FAM3C: variants seen among roughly 807,000 people sequenced by gnomAD.
FAM3C encodes the protein protein FAM3C.
A neutral mutation model predicts 32.5 loss-of-function variants in FAM3C; 15 were observed. The ratio of observed to expected loss-of-function variants is 0.46; its 90% CI spans 0.31 to 0.71. The LOEUF (loss-of-function observed/expected upper bound fraction) is 0.71, where lower values mean the gene tolerates loss of function less well. FAM3C is among the 30% of genes least tolerant of loss of function. FAM3C has a pLI of 0.05. For synonymous variants in FAM3C, 75 were observed against 86.1 expected, an observed-to-expected ratio of 0.87 and a Z score of 0.72; for missense variants, 175 against 274.4, an observed-to-expected ratio of 0.64 and a Z score of 2.56.
At chr7:121,372,654 C>G (rs1562888717) in intron 3 of FAM3C, among the ~76,000 whole-genome samples, 2 of 152,108 alleles carry the variant, frequency 1.3e-5, no homozygotes, top group Non-Finnish European at 2.9e-5. Context: ...TTCAAGGAAT[C>G]CATGAGGTCA....
At position 121,351,139 on chromosome 7, in the gene FAM3C, T is replaced by C. The variant is rs1392541263; in HGVS notation, c.594+4A>G. On this transcript the variant is annotated splice_donor_region_variant and intron_variant, in intron 9 of 9. Coordinates refer to ENST00000359943, the MANE Select transcript of FAM3C (RefSeq NM_014888.3). ...TGTTAATTCTGAGAGTCTATGACAC[T>C]AACCTGTTCAAAAGGGCTTTTTGTC... The C allele has an allele frequency of 1.2e-6, 2 of 1,612,642 alleles. No individual in the cohort carries two copies. The highest frequency in any genetic ancestry group is 1.7e-6 in the Non-Finnish European group (2 of 1,179,444).
At chr7:121,363,217 C>A (rs1324468029) in intron 6 of FAM3C, among the ~76,000 whole-genome samples, 1 of 152,156 alleles carries the variant, frequency 6.6e-6, no homozygotes, top group African/African-American at 2.4e-5. Flanking sequence ...AAGTTCATTA[C>A]TGACTGTAGA....
Position 121,362,885 on chromosome 7 carries a change from A to C in FAM3C, c.382+12T>G. The C allele has an allele frequency of 6.8e-7, 1 of 1,480,474 alleles. No individual in the cohort carries two copies. The highest frequency in any genetic ancestry group is 1.2e-5 in the South Asian group (1 of 86,788). 91.7% of individuals were successfully genotyped at this position (1,480,474 alleles called of 1,614,324 possible). A position where few individuals can be genotyped will look rare whatever the true frequency, so the allele number is the denominator to read the frequency against. ...GCCAGCAAAAGAACACAGTCATGTT[A>C]TTTATGCTTACCTCCTCCCCACATG... On this transcript the variant is annotated intron_variant, in intron 7 of 9. Coordinates refer to ENST00000359943, the MANE Select transcript of FAM3C (RefSeq NM_014888.3).
chr7:121,349,193 G>T lies in FAM3C; in HGVS notation c.*1268C>A, dbSNP rs535087721. 1 of 152,460 alleles carries T rather than the reference G, an allele frequency of 6.6e-6. No homozygotes were observed. Among genetic ancestry groups the T allele is most frequent in the Non-Finnish European group, 1.5e-5 (1 of 67,958 alleles). 9.4% of individuals were successfully genotyped at this position (152,460 alleles called of 1,614,324 possible). A position where few individuals can be genotyped will look rare whatever the true frequency, so the allele number is the denominator to read the frequency against. On this transcript the variant is annotated 3_prime_UTR_variant, in exon 10 of 10. Coordinates refer to ENST00000359943, the MANE Select transcript of FAM3C (RefSeq NM_014888.3). ...GCTAAATAACAGATACTGCTTTTAG[G>T]TTTTTTTATACAATGCATCTAAACT...
chr7:121,391,444 C>T (rs1794576306), intron 1 of FAM3C, among the ~76,000 whole-genome samples: 1 of 152,132 alleles, frequency 6.6e-6, no homozygotes, highest in Admixed American at 6.5e-5. Flanking sequence ...AATGAAGTGT[C>T]CCACTCATAA....
At chr7:121,374,912 A>C (rs2116927153) in intron 3 of FAM3C, among the ~76,000 whole-genome samples, 1 of 152,328 alleles carries the variant, frequency 6.6e-6, no homozygotes, top group South Asian at 2.1e-4. Flanking sequence ...CTTTATGTGA[A>C]TCCCACTTTG....
intron 5 of FAM3C, among the ~76,000 whole-genome samples, chr7:121,367,881 G>A (rs1329181622): frequency 2.6e-5 from 4 of 151,886 alleles, no homozygotes; most frequent in Admixed American, 1.3e-4. Flanking sequence ...TGGGAAGATC[G>A]CTTGAGTCCA....
chr7:121,391,823 C>T (rs1237346762), intron 1 of FAM3C, among the ~76,000 whole-genome samples: 1 of 152,144 alleles, frequency 6.6e-6, no homozygotes, highest in Non-Finnish European at 1.5e-5. Context: ...CTGAAGAATC[C>T]CCGAGCAGAC....
At chr7:121,360,394 T>C (rs1793895994) in intron 7 of FAM3C, among the ~76,000 whole-genome samples, 1 of 152,150 alleles carries the variant, frequency 6.6e-6, no homozygotes, top group Non-Finnish European at 1.5e-5. Context: ...GTGAAAAAAA[T>C]CATAGCAAAG....
Position 121,349,484 on chromosome 7 carries a change from T to C in FAM3C, c.*977A>G, listed in dbSNP as rs557151399. ...TCAGTCCGCCCAGTAATAAGAACTTTTGTAAATATGCCACTATAGCTTCGG... is the reference window on the plus strand; with the variant it reads ...TCAGTCCGCCCAGTAATAAGAACTTCTGTAAATATGCCACTATAGCTTCGG... On this transcript the variant is annotated 3_prime_UTR_variant, in exon 10 of 10. Coordinates refer to ENST00000359943, the MANE Select transcript of FAM3C (RefSeq NM_014888.3). The C allele has an allele frequency of 1.3e-5, 2 of 152,304 alleles. No individual in the cohort carries two copies. Among genetic ancestry groups the C allele is most frequent in the South Asian group, 2.1e-4 (1 of 4,818 alleles). The allele number at this position is 152,304 out of a possible 1,614,324, so 9.4% of individuals were successfully genotyped here.
intron 8 of FAM3C, among the ~76,000 whole-genome samples, chr7:121,352,517 G>A (rs190547515): frequency 3.3e-5 from 5 of 152,196 alleles, no homozygotes; most frequent in East Asian, 3.9e-4. Flanking sequence ...TTTCAGATTC[G>A]CCTCCTATAT....
chr7:121,350,370 T>C lies in FAM3C; in HGVS notation c.*91A>G, dbSNP rs1164829432. On this transcript the variant is annotated 3_prime_UTR_variant, in exon 10 of 10. Coordinates refer to ENST00000359943, the MANE Select transcript of FAM3C (RefSeq NM_014888.3). ...TCATGCACACACCAAGATGGCTGCA[T>C]GCTCTTAAAATATTTACACATAGCT... 6.4e-7 allele frequency: 1 copy of C among 1,562,938 alleles called. No individual in the cohort carries two copies. The highest frequency in any genetic ancestry group is 8.8e-7 in the Non-Finnish European group (1 of 1,139,532).
chr7:121,374,149 T>G (rs187178138), intron 3 of FAM3C, among the ~76,000 whole-genome samples: 63 of 152,330 alleles, frequency 4.1e-4, no homozygotes. Flanking sequence ...GATTGGTGAA[T>G]TGTATCCATG....
chr7:121,386,469 T>C (rs563883687), intron 1 of FAM3C, among the ~76,000 whole-genome samples: 108 of 152,122 alleles, frequency 7.1e-4, no homozygotes, highest in African/African-American at 2.4e-3. Flanking sequence ...TACCATTCAT[T>C]CTCCTGGACT....
At chr7:121,351,651 C>T (rs1375883779) in intron 8 of FAM3C, 1 of 160,838 alleles carries the variant, frequency 6.2e-6, no homozygotes, top group Non-Finnish European at 1.4e-5. Flanking sequence ...TTTTGAATCT[C>T]CACTAAACCC....
chr7:121,359,271 A>T (rs899608059), intron 8 of FAM3C, among the ~76,000 whole-genome samples: 4 of 152,022 alleles, frequency 2.6e-5, no homozygotes, highest in African/African-American at 7.2e-5. Context: ...TAAGTATGCA[A>T]ATTGGAACTA....
intron 3 of FAM3C, among the ~76,000 whole-genome samples, chr7:121,378,584 C>G (rs1416311312): frequency 6.6e-6 from 1 of 151,952 alleles, no homozygotes; most frequent in Admixed American, 6.6e-5. Flanking sequence ...TTTCTAGCAG[C>G]CAACTTAAAC....
chr7:121,356,204 T>C (rs955104971), intron 8 of FAM3C, among the ~76,000 whole-genome samples: 1 of 152,174 alleles, frequency 6.6e-6, no homozygotes, highest in African/African-American at 2.4e-5. Context: ...GTAGCTAGCA[T>C]CTGCATTGTA....
At chr7:121,364,646 T>C (rs1793989014) in intron 5 of FAM3C, 1 of 153,304 alleles carries the variant, frequency 6.5e-6, no homozygotes, top group Non-Finnish European at 1.5e-5. Flanking sequence ...TTCATGAATG[T>C]TTTACCTAAT....
Sources: gnomAD v4.1 joint callset for allele counts (sites outside exome capture counted in the v4.1 genomes callset) on GRCh38, gnomAD v4.1.1 for gene constraint, MANE v1.5 for transcripts, NCBI Gene and HGNC (gene_info 2026-07-23, HGNC 2026-07-21) for gene names.